Variants in GOLM2 observed in about 807,000 individuals in gnomAD.
GOLM2 encodes protein GOLM2.
In GOLM2, 26 loss-of-function variants were observed where a neutral mutation model predicts 55.9. The ratio of observed to expected loss-of-function variants is 0.47; its 90% CI spans 0.34 to 0.65. GOLM2 has a LOEUF of 0.65. Ranked by LOEUF, GOLM2 falls within the 30% of genes least tolerant of loss-of-function variation. The probability of loss-of-function intolerance (pLI) is 0.01; values close to 1 mark genes in which losing one functional copy is unlikely to be tolerated. For missense variants in GOLM2, 486 were observed against 531.8 expected (o/e 0.91, Z 0.85); for synonymous variants, 165 against 194.6 (o/e 0.85, Z 1.27).
At chr15:44,333,530 T>C (rs890057198) in intron 4 of GOLM2, among the ~76,000 whole-genome samples, 1 of 152,116 alleles carries the variant, frequency 6.6e-6, no homozygotes, top group African/African-American at 2.4e-5. Context: ...GATGGATTGG[T>C]GGACGAAGGC....
At chr15:44,299,758 C>T (rs1865544664) in intron 1 of GOLM2, among the ~76,000 whole-genome samples, 1 of 151,772 alleles carries the variant, frequency 6.6e-6, no homozygotes, top group African/African-American at 2.4e-5. Flanking sequence ...CAAAGCTTGA[C>T]ATTTAATAAT....
chr15:44,413,592 A>T lies in GOLM2; in HGVS notation c.*186A>T. The T allele has an allele frequency of 6.2e-6, 3 of 487,278 alleles. No individual in the cohort carries two copies. The highest frequency in any genetic ancestry group is 1.1e-5 in the Non-Finnish European group (3 of 270,550). 30.2% of individuals were successfully genotyped at this position (487,278 alleles called of 1,614,324 possible). A position where few individuals can be genotyped will look rare whatever the true frequency, so the allele number is the denominator to read the frequency against. ...TATGTGAACTTTTTCATATTGTATTATCAAGGTATAGACTTTTTTGGTTAT... is the reference window on the plus strand; with the variant it reads ...TATGTGAACTTTTTCATATTGTATTTTCAAGGTATAGACTTTTTTGGTTAT... On this transcript the variant is annotated 3_prime_UTR_variant, in exon 10 of 10. Coordinates refer to ENST00000299957, the MANE Select transcript of GOLM2 (RefSeq NM_138423.4).
At chr15:44,316,298 T>G (rs892093591) in intron 1 of GOLM2, among the ~76,000 whole-genome samples, 5 of 151,692 alleles carry the variant, frequency 3.3e-5, no homozygotes, top group African/African-American at 1.2e-4. Flanking sequence ...GAGTTCGAGT[T>G]CAGCCTGGGC....
At chr15:44,331,949 C>G in intron 3 of GOLM2, 39 bp from the exon 4 acceptor site, 1 of 1,384,296 alleles carries the variant, frequency 7.2e-7, no homozygotes, top group Non-Finnish European at 1.0e-6. Flanking sequence ...GAATCCAATC[C>G]AAGATAATAT....
At chr15:44,324,932 A>G (rs1328427604) in intron 2 of GOLM2, among the ~76,000 whole-genome samples, 1 of 152,166 alleles carries the variant, frequency 6.6e-6, no homozygotes, top group African/African-American at 2.4e-5. Flanking sequence ...GAGTTCTGCT[A>G]CGGTGACCTG....
chr15:44,308,053 T>G, intron 1 of GOLM2: 1 of 152,366 alleles, frequency 6.6e-6, no homozygotes, highest in Middle Eastern at 3.4e-3. Context: ...TTTATTGTGG[T>G]AAAACATCTA....
chr15:44,351,075 G>A (rs2079159289), intron 6 of GOLM2, among the ~76,000 whole-genome samples: 1 of 151,926 alleles, frequency 6.6e-6, no homozygotes, highest in Admixed American at 6.6e-5. Context: ...AACACGAAGT[G>A]GATGCCCACT....
chr15:44,318,868 CTAAT>C (rs1166858652), intron 1 of GOLM2, among the ~76,000 whole-genome samples: 2 of 152,178 alleles, frequency 1.3e-5, no homozygotes, highest in African/African-American at 4.8e-5. Context: ...CCAGTTCTCC[CTAAT>C]TCTCTGTTGC....
chr15:44,293,222 A>G (rs2078733706), intron 1 of GOLM2, among the ~76,000 whole-genome samples: 1 of 152,232 alleles, frequency 6.6e-6, no homozygotes, highest in Non-Finnish European at 1.5e-5. Flanking sequence ...ATACCTGGCC[A>G]CTTAACAGTT....
At chr15:44,381,403 A>G (rs895009164) in intron 8 of GOLM2, among the ~76,000 whole-genome samples, 1 of 152,204 alleles carries the variant, frequency 6.6e-6, no homozygotes, top group Non-Finnish European at 1.5e-5. Context: ...TAGATTGCTC[A>G]ATACTGCTTC....
chr15:44,336,292 A>G (rs1395024304), intron 4 of GOLM2, among the ~76,000 whole-genome samples: 2 of 149,706 alleles, frequency 1.3e-5, no homozygotes, highest in Non-Finnish European at 3.0e-5. Flanking sequence ...AATTTTTTGT[A>G]TTTTTTAGTA....
chr15:44,349,702 G>A (rs902911422), intron 6 of GOLM2, among the ~76,000 whole-genome samples: 4 of 152,108 alleles, frequency 2.6e-5, no homozygotes, highest in African/African-American at 9.7e-5. Context: ...CTTCTCCTCA[G>A]TACATGCATC....
chr15:44,331,995 T>C lies in GOLM2; in HGVS notation c.493T>C (p.Cys165Arg). Reference sequence around the variant, plus strand: ...AATGACTTTGTAATTTAGTTTTCAGTGTGGACAGCAGATGAAGGAATTGAG... The same window carrying C: ...AATGACTTTGTAATTTAGTTTTCAGCGTGGACAGCAGATGAAGGAATTGAG... ...VKRLEYESFQ[C>R]GQQMKELRAQ... The change falls in exon 4 of 10, where the codon TGT (cysteine) becomes CGT (arginine). Residue 165 changes from cysteine (C) to arginine (R), a missense_variant. Transcript: ENST00000299957. The C allele has an allele frequency of 6.2e-7, 1 of 1,601,896 alleles. No individual in the cohort carries two copies. Among genetic ancestry groups the C allele is most frequent in the South Asian group, 1.1e-5 (1 of 90,032 alleles).
At chr15:44,326,464 T>G (rs2078981466) in intron 2 of GOLM2, among the ~76,000 whole-genome samples, 1 of 151,810 alleles carries the variant, frequency 6.6e-6, no homozygotes, top group East Asian at 1.9e-4. Flanking sequence ...ATTGCCACAG[T>G]TATAATTCCA....
intron 1 of GOLM2, among the ~76,000 whole-genome samples, chr15:44,293,801 C>G (rs1038005989): frequency 3.3e-5 from 5 of 152,170 alleles, no homozygotes; most frequent in African/African-American, 1.2e-4. Context: ...TGTTTCCATA[C>G]TGTACACTTT....
chr15:44,295,870 T>C (rs1456549832), intron 1 of GOLM2, among the ~76,000 whole-genome samples: 3 of 151,374 alleles, frequency 2.0e-5, no homozygotes. Flanking sequence ...ACATGTGAAT[T>C]TGGGGGAAAC....
intron 1 of GOLM2, among the ~76,000 whole-genome samples, chr15:44,306,516 G>A (rs1347283300): frequency 6.6e-6 from 1 of 152,038 alleles, no homozygotes; most frequent in African/African-American, 2.4e-5. Context: ...TTGCCTTCTC[G>A]TTATTCATGT....
rs928190580 is a variant in GOLM2, at chr15:44,328,595, G to C, written c.383-90G>C. On this transcript the variant is annotated intron_variant, in intron 2 of 9. Coordinates refer to ENST00000299957, the MANE Select transcript of GOLM2 (RefSeq NM_138423.4). ...TATTACTAAAGAAATTGAGAATTAT[G>C]TATAATTAAAAAAACATCCCATAGC... The C allele has an allele frequency of 5.6e-6, 4 of 715,694 alleles. No homozygotes were observed. The African/African-American group carries it at 7.4e-5, about 13-fold the overall frequency. The allele number at this position is 715,694 out of a possible 1,614,324, so 44.3% of individuals were successfully genotyped here.
At chr15:44,313,586 C>A (rs183349880) in intron 1 of GOLM2, among the ~76,000 whole-genome samples, 10 of 152,306 alleles carry the variant, frequency 6.6e-5, no homozygotes, top group African/African-American at 1.7e-4. Context: ...TATCCTTTAT[C>A]CAGACTTCTC....
Sources: gnomAD v4.1 joint callset for allele counts (sites outside exome capture counted in the v4.1 genomes callset) on GRCh38, gnomAD v4.1.1 for gene constraint, MANE v1.5 for transcripts, NCBI Gene and HGNC (gene_info 2026-07-23, HGNC 2026-07-21) for gene names.